Variants in ATP11A observed in about 807,000 individuals in gnomAD.
The protein encoded by ATP11A is ATPase phospholipid transporting 11A.
Under a neutral mutation model 154.4 loss-of-function variants are expected in ATP11A, and 81 were observed. The ratio of observed to expected loss-of-function variants is 0.52; its 90% CI spans 0.44 to 0.63. The LOEUF is 0.63. Among genes scored for constraint, ATP11A ranks in the 30% least tolerant of loss-of-function variants. The pLI is 0.00. For synonymous variants in ATP11A, 623 were observed against 585.9 expected (o/e 1.06, Z -0.91); for missense variants, 1,316 against 1,474.3 (o/e 0.89, Z 1.76).
At chr13:112,692,492 A>G (rs1432931499) in intron 1 of ATP11A, among the ~76,000 whole-genome samples, 1 of 152,160 alleles carries the variant, frequency 6.6e-6, no homozygotes, top group Non-Finnish European at 1.5e-5. Context: ...TCTGTTATAT[A>G]GATCTATATA....
intron 5 of ATP11A, among the ~76,000 whole-genome samples, chr13:112,814,793 T>TC (rs887775345): frequency 2.6e-5 from 4 of 152,152 alleles, no homozygotes; most frequent in Non-Finnish European, 5.9e-5. Context: ...ACGTATTCCT[T>TC]CCCCCTCAAT....
chr13:112,856,141 C>T, intron 20 of ATP11A, 56 bp downstream of exon 20: 2 of 1,545,696 alleles, frequency 1.3e-6, no homozygotes, highest in South Asian at 1.2e-5. Context: ...ACACTGAAAA[C>T]CTTCCGTTAG....
At chr13:112,790,158 C>A (rs1037090304) in intron 2 of ATP11A, among the ~76,000 whole-genome samples, 1 of 133,730 alleles carries the variant, frequency 7.5e-6, no homozygotes, top group Admixed American at 7.7e-5. Flanking sequence ...AATTCACACC[C>A]GGCATCCTGA....
chr13:112,694,285 G>A (rs1594304690), intron 1 of ATP11A, among the ~76,000 whole-genome samples: 1 of 152,320 alleles, frequency 6.6e-6, no homozygotes, highest in East Asian at 1.9e-4. Flanking sequence ...GCCAAGAATG[G>A]GGAAGCTCTC....
rs1316520618 is a variant in ATP11A at position 112,766,809 on chromosome 13, CACTG to C, written c.40-18325_40-18322del. ...AGGAGGATGTGGGGGCGTTGGGGGC[CACTG>C]TGGGAAGGTGGGGAGATGTGGGGGT... On this transcript the variant is annotated intron_variant, in intron 1 of 29. Coordinates refer to ENST00000375645, the MANE Select transcript of ATP11A (RefSeq NM_015205.3). 2.7e-5 allele frequency among the ~76,000 whole-genome samples: 3 copies of C among 111,526 alleles called. 1 individual carries two copies. The highest frequency in any genetic ancestry group is 9.9e-5 in the Admixed American group (1 of 10,086). 73.2% of individuals were successfully genotyped at this position (111,526 alleles called of 152,430 possible). A position where few individuals can be genotyped will look rare whatever the true frequency, so the allele number is the denominator to read the frequency against.
chr13:112,714,013 C>G (rs200233096), intron 1 of ATP11A, among the ~76,000 whole-genome samples: 3 of 23,152 alleles, frequency 1.3e-4, no homozygotes, highest in East Asian at 1.2e-3. Context: ...CACTCCCCCC[C>G]ACCCCTGATC....
chr13:112,867,753 CCCGG>C (rs1354900162), intron 25 of ATP11A, among the ~76,000 whole-genome samples: 3 of 152,196 alleles, frequency 2.0e-5, no homozygotes, highest in Non-Finnish European at 2.9e-5. Flanking sequence ...CGCGTGCAGC[CCCGG>C]GGTGATGCCA....
chr13:112,722,285 ACCGGGGAGGAGGGTGGG>A (rs1217694705), intron 1 of ATP11A, among the ~76,000 whole-genome samples: 2 of 40,024 alleles, frequency 5.0e-5, no homozygotes, highest in Non-Finnish European at 9.9e-5. Context: ...GGGTAGGGGG[ACCGGGGAGGAGGGTGGG>A]CCCGGGGAGA....
In ATP11A at chr13:112,880,848, TGTGCACACACAC is replaced by T. The variant is rs1337402661; in HGVS notation, c.*10-1024_*10-1013del. ...CAAGCTGACCACACATGGAACATGC[TGTGCACACACAC>T]GTGTGCACACTCACCCCACACGCAC... On this transcript the variant is annotated intron_variant, in intron 29 of 29. Coordinates refer to ENST00000375645, the MANE Select transcript of ATP11A (RefSeq NM_015205.3). 3 of 1,120,134 alleles carry T rather than the reference TGTGCACACACAC, an allele frequency of 2.7e-6. No individual in the cohort carries two copies. The East Asian group carries it at 2.1e-4, about 80-fold the overall frequency. The allele number at this position is 1,120,134 out of a possible 1,614,324, so 69.4% of individuals were successfully genotyped here.
chr13:112,851,103 A>C lies in ATP11A; in HGVS notation c.1876A>C (p.Lys626Gln). Residue 626 changes from lysine (K) to glutamine (Q), a missense_variant, in exon 18 of 30, where the codon AAG becomes CAG. By Grantham distance (53) the Lys-to-Gln change is moderately conservative (BLOSUM62 1). Around this residue, in one of 5 missense-constraint regions of ATP11A, gnomAD observed 876 missense variants for 1,006.8 expected, o/e 0.87. Coordinates refer to ENST00000375645, the MANE Select transcript of ATP11A (RefSeq NM_015205.3). ...LIQEEYEGIC[K>Q]LLQAAKVALQ... Reference sequence around the variant, plus strand: ...CCAAGAAGAATATGAAGGCATTTGTAAGCTGCTGCAGGCTGCCAAAGTGGC... The same window carrying C: ...CCAAGAAGAATATGAAGGCATTTGTCAGCTGCTGCAGGCTGCCAAAGTGGC... 6.2e-7 allele frequency: 1 copy of C among 1,614,246 alleles called. No homozygotes were observed. Among genetic ancestry groups the C allele is most frequent in the Non-Finnish European group, 8.5e-7 (1 of 1,180,050 alleles).
intron 29 of ATP11A, chr13:112,880,393 C>T (rs769700926): frequency 6.8e-5 from 37 of 543,770 alleles, no homozygotes; most frequent in Admixed American, 1.9e-4. Context: ...CCCAAGCCCT[C>T]GCCCTGGCAG....
intron 4 of ATP11A, among the ~76,000 whole-genome samples, chr13:112,810,375 C>A (rs2078455416): frequency 6.6e-6 from 1 of 152,230 alleles, no homozygotes; most frequent in Non-Finnish European, 1.5e-5. Context: ...CGATGAGCAT[C>A]TTTCTCCAAC....
intron 10 of ATP11A, among the ~76,000 whole-genome samples, 181 bp downstream of exon 10, chr13:112,824,606 C>T (rs2078885528): frequency 6.6e-6 from 1 of 152,110 alleles, no homozygotes; most frequent in Non-Finnish European, 1.5e-5. Flanking sequence ...ATGGCCACAC[C>T]CCTCCTTCCT....
intron 1 of ATP11A, among the ~76,000 whole-genome samples, chr13:112,752,167 A>G (rs1353719021): frequency 6.6e-6 from 1 of 152,178 alleles, no homozygotes; most frequent in African/African-American, 2.4e-5. Flanking sequence ...ATTATGTCAT[A>G]AATGGCCTGC....
chr13:112,809,669 G>A (rs1464923795), intron 4 of ATP11A, among the ~76,000 whole-genome samples: 2 of 152,070 alleles, frequency 1.3e-5, no homozygotes, highest in African/African-American at 4.8e-5. Context: ...CGGTGGACGT[G>A]GACGCCCATA....
Position 112,855,369 on chromosome 13 carries a change from G to C in ATP11A, c.2244-542G>C, listed in dbSNP as rs1482347634. On this transcript the variant is annotated intron_variant, in intron 19 of 29. Transcript: ENST00000375645. Reference sequence around the variant, plus strand: ...AGCGCTCACCTTTTAATAGAGACAGGGTTTCACCATGTTGGCCAGGCTGGT... The same window carrying C: ...AGCGCTCACCTTTTAATAGAGACAGCGTTTCACCATGTTGGCCAGGCTGGT... Among the ~76,000 whole-genome samples the C allele has an allele frequency of 4.6e-5, 7 of 152,046 alleles. No homozygotes were observed. In the East Asian group the frequency reaches 1.2e-3, roughly 25 times the overall value.
chr13:112,708,580 A>T (rs926332509), intron 1 of ATP11A, among the ~76,000 whole-genome samples: 2 of 152,174 alleles, frequency 1.3e-5, no homozygotes, highest in African/African-American at 4.8e-5. Flanking sequence ...TAGCACCCTC[A>T]CTCACAATTT....
At chr13:112,767,933 C>T (rs35438525) in intron 1 of ATP11A, among the ~76,000 whole-genome samples, 1 of 152,160 alleles carries the variant, frequency 6.6e-6, no homozygotes, top group Non-Finnish European at 1.5e-5. Flanking sequence ...GGGGAACCCC[C>T]TCCGGCTCCT....
chr13:112,841,606 G>A (rs1458735576), intron 16 of ATP11A, among the ~76,000 whole-genome samples: 3 of 152,002 alleles, frequency 2.0e-5, no homozygotes, highest in Non-Finnish European at 4.4e-5. Context: ...CTGGCAGAGT[G>A]CCACGTGGCT....
Sources: gnomAD v4.1 joint callset for allele counts (sites outside exome capture counted in the v4.1 genomes callset) on GRCh38, gnomAD v4.1.1 for gene constraint, gnomAD v4.1.1 regional missense constraint, MANE v1.5 for transcripts, NCBI Gene and HGNC (gene_info 2026-07-23, HGNC 2026-07-21) for gene names.